Variants in IL16 observed in about 807,000 individuals in gnomAD.
IL16 encodes the protein interleukin 16, also known as pro-interleukin-16.
In IL16, 67 loss-of-function variants were observed where a neutral mutation model predicts 110.1. The ratio of observed to expected loss-of-function variants is 0.61; its 90% CI spans 0.50 to 0.75. The LOEUF is 0.75. Ranked by LOEUF, IL16 falls within the 30% of genes least tolerant of loss-of-function variation. The pLI is 0.00. For synonymous variants in IL16, 689 were observed against 662.9 expected, an observed-to-expected ratio of 1.04 and a Z score of -0.61; for missense variants, 1,545 against 1,655.0, an observed-to-expected ratio of 0.93 and a Z score of 1.15.
intron 14 of IL16, among the ~76,000 whole-genome samples, chr15:81,300,820 C>T (rs759533115): frequency 2.6e-5 from 4 of 152,126 alleles, no homozygotes; most frequent in Non-Finnish European, 4.4e-5. Flanking sequence ...AAATGTCCTG[C>T]GGTTACTCAG....
Position 81,287,504 on chromosome 15 carries a change from T to A in IL16, c.1332+1674T>A, listed in dbSNP as rs183443908. ...CACAAAGAATTATTTAATCTTAATA[T>A]GCACCAGGCATGTTTTTCAAAGATG... On this transcript the variant is annotated intron_variant, in intron 10 of 18. Transcript: ENST00000683961. Among the ~76,000 whole-genome samples, 32 of 152,336 alleles carry A rather than the reference T, an allele frequency of 2.1e-4. No homozygotes were observed. The East Asian group carries it at 2.1e-3, about 10-fold the overall frequency.
chr15:81,263,799 G>A (rs577364094), intron 3 of IL16, among the ~76,000 whole-genome samples: 1 of 152,276 alleles, frequency 6.6e-6, no homozygotes, highest in African/African-American at 2.4e-5. Context: ...CAAGTCACAG[G>A]TCACCCTTGC....
chr15:81,279,769 A>G lies in IL16; in HGVS notation c.1076A>G (p.Gln359Arg), dbSNP rs1299397970. The G allele has an allele frequency of 6.2e-7, 1 of 1,613,932 alleles. No individual in the cohort carries two copies. The highest frequency in any genetic ancestry group is 8.5e-7 in the Non-Finnish European group (1 of 1,179,928). ...NYRIMVEVSL[Q>R]KEAGVGLGIG... ...AGAATCATGGTGGAGGTTTCTCTGCAGAAAGGTAGGAGTGCTGCAGCTGTG... is the reference window on the plus strand; with the variant it reads ...AGAATCATGGTGGAGGTTTCTCTGCGGAAAGGTAGGAGTGCTGCAGCTGTG... The change falls in exon 8 of 19, where the codon CAG (glutamine) becomes CGG (arginine). Residue 359 changes from glutamine to arginine, a missense_variant. Around this residue, in one of 3 missense-constraint regions of IL16, gnomAD observed 1,185 missense variants for 1,238.8 expected, o/e 0.96. Coordinates refer to ENST00000683961, the MANE Select transcript of IL16 (RefSeq NM_172217.5).
chr15:81,193,564 GA>G (rs1186778269), upstream of IL16, among the ~76,000 whole-genome samples: 3 of 151,950 alleles, frequency 2.0e-5, no homozygotes, highest in Non-Finnish European at 4.4e-5. Flanking sequence ...CAGTTTGAAA[GA>G]AAAAAAGGCC....
chr15:81,231,574 T>C (rs150035709), intron 2 of IL16, among the ~76,000 whole-genome samples: 1,621 of 152,242 alleles, frequency 0.011, 30 homozygotes, highest in African/African-American at 0.038. Flanking sequence ...GGTTTCACCA[T>C]GTTGCCCAGG....
At chr15:81,196,328 C>T (rs879856779), upstream of IL16, among the ~76,000 whole-genome samples, 1 of 152,230 alleles carries the variant, frequency 6.6e-6, no homozygotes, top group Non-Finnish European at 1.5e-5. Context: ...TGTGCAGTGG[C>T]TTTCTTTGTC....
In IL16 at chr15:81,311,860, C is replaced by T. The variant is rs914771241; in HGVS notation, c.*3062C>T. 1 of 152,166 alleles carries T rather than the reference C, an allele frequency of 6.6e-6. No individual in the cohort carries two copies. Among genetic ancestry groups the T allele is most frequent in the African/African-American group, 2.4e-5 (1 of 41,426 alleles). 9.4% of individuals were successfully genotyped at this position (152,166 alleles called of 1,614,324 possible). Reference sequence around the variant, plus strand: ...GGCATGACTGTAGAATTTGTAGTTGCAATAGAACAGAGAAAGAGGAAGCTT... The same window carrying T: ...GGCATGACTGTAGAATTTGTAGTTGTAATAGAACAGAGAAAGAGGAAGCTT... On this transcript the variant is annotated 3_prime_UTR_variant, in exon 19 of 19. Transcript: ENST00000683961.
chr15:81,187,969 C>T (rs1454170877), intron 1 of IL16, among the ~76,000 whole-genome samples: 1 of 152,142 alleles, frequency 6.6e-6, no homozygotes, highest in Non-Finnish European at 1.5e-5. Flanking sequence ...AGGTTAGAAA[C>T]AGGCCAGGGA....
rs532872365 is a variant in IL16, at chr15:81,231,324, GTCTCTCTCTCTCTC to G, written c.312+5658_312+5671del. On this transcript the variant is annotated intron_variant, in intron 2 of 18. Transcript: ENST00000683961. The stretch of plus-strand genomic sequence containing the variant: ...GGGGAGATCTACCCAAGGTCGGTCT[GTCTCTCTCTCTCTC>G]TCTCTCTCTCTCTCTCTCTCTCTCT... 3.8e-3 allele frequency among the ~76,000 whole-genome samples: 177 copies of G among 47,142 alleles called. 3 individuals carry two copies. The highest frequency in any genetic ancestry group is 0.011 in the African/African-American group (143 of 12,740). 30.9% of individuals were successfully genotyped at this position (47,142 alleles called of 152,430 possible).
chr15:81,270,969 G>A lies in IL16; in HGVS notation c.675+1321G>A, dbSNP rs529149038. Among the ~76,000 whole-genome samples the A allele has an allele frequency of 3.3e-5, 5 of 152,278 alleles. No homozygotes were observed. The South Asian group carries it at 1.0e-3, about 32-fold the overall frequency. On this transcript the variant is annotated intron_variant, in intron 5 of 18. Transcript: ENST00000683961. ...TAACAGGATGACAAGTAGCAGTGAA[G>A]CAGGGGGAGGAGGAGTTAGAGCCAG...
upstream of IL16, among the ~76,000 whole-genome samples, chr15:81,192,379 C>T (rs6495546): frequency 0.93 from 141,653 of 151,742 alleles, 66,244 homozygotes; most frequent in East Asian, 1. Flanking sequence ...GGAAGGAGGA[C>T]TGCTTGAGGC....
upstream of IL16, among the ~76,000 whole-genome samples, chr15:81,192,054 G>T (rs79510132): frequency 6.6e-6 from 1 of 152,158 alleles, no homozygotes; most frequent in African/African-American, 2.4e-5. Flanking sequence ...GATCCATAAC[G>T]CTATGCACTT....
chr15:81,190,784 G>A (rs906461242), intron 1 of IL16, among the ~76,000 whole-genome samples: 4 of 152,182 alleles, frequency 2.6e-5, no homozygotes, highest in African/African-American at 4.8e-5. Context: ...CTAGGACGGC[G>A]AGACAAGATG....
At chr15:81,283,120 G>A (rs567987504) in intron 9 of IL16, among the ~76,000 whole-genome samples, 3 of 152,342 alleles carry the variant, frequency 2.0e-5, no homozygotes, top group East Asian at 3.9e-4. Context: ...GCAGAGCCAG[G>A]TGTGGGTCCT....
chr15:81,268,795 C>T (rs1203061407), intron 4 of IL16, among the ~76,000 whole-genome samples: 3 of 152,254 alleles, frequency 2.0e-5, no homozygotes, highest in Admixed American at 1.3e-4. Flanking sequence ...TTTAAGCACT[C>T]GCATAGATTT....
intron 14 of IL16, 122 bp from the exon 15 acceptor site, chr15:81,301,222 T>C: frequency 1.4e-6 from 1 of 722,814 alleles, no homozygotes; most frequent in South Asian, 2.0e-5. Flanking sequence ...CATAGATTTG[T>C]TGCATCAAAT....
intron 2 of IL16, among the ~76,000 whole-genome samples, chr15:81,248,199 A>G (rs1897636011): frequency 6.6e-6 from 1 of 152,140 alleles, no homozygotes; most frequent in African/African-American, 2.4e-5. Flanking sequence ...TTGTCTATAA[A>G]GTGGTACTAG....
At chr15:81,250,531 T>C (rs66535467) in intron 2 of IL16, among the ~76,000 whole-genome samples, 36,046 of 152,048 alleles carry the variant, frequency 0.24, 4,949 homozygotes, top group African/African-American at 0.37. Context: ...CTTTGATTTT[T>C]TTTTCTGTGA....
chr15:81,265,730 C>A lies in IL16; in HGVS notation c.493C>A (p.Gln165Lys). The part of the protein sequence containing the change: ...TKKSAAPTDR[Q>K]PYSLCSNRKS... ...GAAATCTGCAGCGCCCACGGACAGG[C>A]AGCCTTACTCTCTCTGCAGTAACAG... The change falls in exon 4 of 19, where the codon CAG becomes AAG. Residue 165 changes from glutamine to lysine, a missense_variant. By Grantham distance (53) the Gln-to-Lys change is moderately conservative. Coordinates refer to ENST00000683961, the MANE Select transcript of IL16 (RefSeq NM_172217.5). The A allele has an allele frequency of 6.2e-7, 1 of 1,613,956 alleles. No homozygotes were observed. Among genetic ancestry groups the A allele is most frequent in the Non-Finnish European group, 8.5e-7 (1 of 1,179,902 alleles).
Sources: allele counts gnomAD v4.1 joint callset (sites outside exome capture counted in the v4.1 genomes callset), GRCh38; gene constraint gnomAD v4.1.1; regional missense constraint gnomAD v4.1.1; transcripts MANE v1.5; gene names NCBI Gene and HGNC (gene_info 2026-07-23, HGNC 2026-07-21).